Variants in KALRN observed in about 807,000 individuals in gnomAD.
The protein encoded by KALRN is kalirin RhoGEF kinase.
A neutral mutation model predicts 353.7 loss-of-function variants in KALRN; 70 were observed. The observed-to-expected ratio is 0.20, with a 90% CI of 0.16 to 0.24. KALRN has a LOEUF of 0.24. KALRN is among the 10% of genes least tolerant of loss of function. The probability of loss-of-function intolerance (pLI) is 1.00; values close to 1 mark genes in which losing one functional copy is unlikely to be tolerated. For missense variants in KALRN, 2,791 were observed against 3,756.7 expected (o/e 0.74, Z 6.72); for synonymous variants, 1,391 against 1,434.8 (o/e 0.97, Z 0.69).
At chr3:124,327,097 A>C (rs1283729014) in intron 7 of KALRN, among the ~76,000 whole-genome samples, 1 of 152,228 alleles carries the variant, frequency 6.6e-6, no homozygotes, top group East Asian at 1.9e-4. Flanking sequence ...TATAGAAATT[A>C]TCAGATGCTA....
intron 34 of KALRN, among the ~76,000 whole-genome samples, chr3:124,583,798 CA>C (rs1324707727): frequency 2.0e-5 from 3 of 152,164 alleles, no homozygotes; most frequent in Non-Finnish European, 2.9e-5. Context: ...TGTAGCAATG[CA>C]AATTCTCGGG....
chr3:124,490,593 A>G (rs768168361), intron 29 of KALRN, 101 bp from the exon 30 acceptor site: 35 of 1,051,932 alleles, frequency 3.3e-5, no homozygotes, highest in Non-Finnish European at 4.7e-5. Flanking sequence ...GTAACTGAAG[A>G]CTAACAATAA....
intron 33 of KALRN, among the ~76,000 whole-genome samples, chr3:124,529,273 CAGAG>C (rs1478364472): frequency 6.6e-6 from 1 of 152,214 alleles, no homozygotes; most frequent in South Asian, 2.1e-4. Context: ...TGTACAGAAA[CAGAG>C]AGAGAAAAAC....
intron 1 of KALRN, among the ~76,000 whole-genome samples, chr3:124,060,606 A>C (rs538600595): frequency 1.5e-4 from 23 of 152,228 alleles, no homozygotes; most frequent in African/African-American, 5.3e-4. Flanking sequence ...AGGAGCAGAG[A>C]AATTGTTCCA....
At chr3:124,423,615 C>T (rs74629956) in intron 15 of KALRN, among the ~76,000 whole-genome samples, 26,227 of 152,196 alleles carry the variant, frequency 0.17, 2,683 homozygotes, top group Non-Finnish European at 0.22. Context: ...GTGGTTCATG[C>T]CTGTAGTCCC....
At chr3:124,646,759 CA>C (rs1411421201) in intron 37 of KALRN, among the ~76,000 whole-genome samples, 6 of 149,982 alleles carry the variant, frequency 4.0e-5, no homozygotes, top group Admixed American at 3.3e-4. Flanking sequence ...TATGCTTATT[CA>C]AAAAAATTTG....
intron 1 of KALRN, among the ~76,000 whole-genome samples, chr3:124,047,294 T>G (rs1197140411): frequency 1.3e-5 from 2 of 152,208 alleles, no homozygotes; most frequent in African/African-American, 4.8e-5. Context: ...ACATGATCTT[T>G]GTCCCTGAAA....
At chr3:124,278,024 G>GTGTGTGTT (rs1332329495) in intron 5 of KALRN, among the ~76,000 whole-genome samples, 1 of 151,942 alleles carries the variant, frequency 6.6e-6, no homozygotes, top group Non-Finnish European at 1.5e-5. Context: ...GTGTGTGTGT[G>GTGTGTGTT]TGTGGTGCAG....
intron 6 of KALRN, among the ~76,000 whole-genome samples, chr3:124,308,419 T>G (rs9875829): frequency 1.3e-5 from 2 of 151,546 alleles, no homozygotes; most frequent in African/African-American, 4.8e-5. Flanking sequence ...ATATCCTAGG[T>G]CAAAAAACAA....
intron 1 of KALRN, among the ~76,000 whole-genome samples, chr3:124,172,050 TG>T (rs1313611684): frequency 6.6e-6 from 1 of 152,232 alleles, no homozygotes; most frequent in Non-Finnish European, 1.5e-5. Context: ...TACATGGCTT[TG>T]GGTAGGTTAC....
At chr3:124,670,327 G>C (rs2086244747) in intron 47 of KALRN, among the ~76,000 whole-genome samples, 4 of 152,316 alleles carry the variant, frequency 2.6e-5, no homozygotes, top group African/African-American at 9.6e-5. Context: ...ATCCATGGTT[G>C]TGGAGCTCAC....
chr3:124,186,485 T>A (rs1206244158), intron 1 of KALRN, among the ~76,000 whole-genome samples: 1 of 152,212 alleles, frequency 6.6e-6, no homozygotes, highest in Non-Finnish European at 1.5e-5. Flanking sequence ...GTGTAACAGA[T>A]GCTATTTTAA....
intron 57 of KALRN, among the ~76,000 whole-genome samples, chr3:124,707,574 C>T (rs886778864): frequency 1.3e-5 from 2 of 152,080 alleles, no homozygotes; most frequent in Admixed American, 1.3e-4. Context: ...GTAGCATGCA[C>T]AAACAGCAAA....
rs556441458 is a variant in KALRN at position 124,678,302 on chromosome 3, G to A, written c.7306G>A (p.Val2436Ile). Residue 2436 changes from valine to isoleucine, a missense_variant, in exon 50 of 60, where the codon GTC becomes ATC. This residue lies in a region of KALRN where 1,065 missense variants were observed against 1,156.4 expected (regional missense o/e 0.92). Transcript: ENST00000682506. ...ACCCAAGGATATTCTGGGCAACAAA[G>A]TCTCTGTTAAAGTGAGTAAGGTATT... ...RKPKDILGNKVSVKETNSSEE... is the reference protein window; with the variant it reads ...RKPKDILGNKISVKETNSSEE... 75 of 1,613,834 alleles carry A rather than the reference G, an allele frequency of 4.6e-5. 1 individual carries two copies. In the South Asian group the frequency reaches 8.0e-4, roughly 17 times the overall value.
chr3:124,318,454 T>A (rs527868045), intron 6 of KALRN, among the ~76,000 whole-genome samples: 2 of 152,344 alleles, frequency 1.3e-5, no homozygotes, highest in African/African-American at 2.4e-5. Flanking sequence ...AGTGTCCATA[T>A]GTTTCGAGGT....
At chr3:124,667,279 A>T in intron 47 of KALRN, 96 bp downstream of exon 47, 2 of 1,125,250 alleles carry the variant, frequency 1.8e-6, no homozygotes, top group South Asian at 2.0e-5. Context: ...TTATGAACCC[A>T]GATCACATTT....
At chr3:124,404,167 A>AAAAAAAG (rs1326422926) in intron 13 of KALRN, among the ~76,000 whole-genome samples, 14 of 151,632 alleles carry the variant, frequency 9.2e-5, no homozygotes, top group Non-Finnish European at 2.1e-4. Context: ...AAAAAAAAAA[A>AAAAAAAG]AAGAGAGAAC....
At chr3:124,224,059 A>G (rs2078212610) in intron 1 of KALRN, among the ~76,000 whole-genome samples, 1 of 152,146 alleles carries the variant, frequency 6.6e-6, no homozygotes, top group South Asian at 2.1e-4. Context: ...TGGGATTAGC[A>G]CTGAATGCCA....
chr3:124,295,758 A>G (rs2076797184), intron 5 of KALRN, among the ~76,000 whole-genome samples: 1 of 152,252 alleles, frequency 6.6e-6, no homozygotes, highest in East Asian at 1.9e-4. Context: ...AAGAAAAGAA[A>G]TGAGAAATTA....
Sources: allele counts gnomAD v4.1 joint callset (sites outside exome capture counted in the v4.1 genomes callset), GRCh38; gene constraint gnomAD v4.1.1; regional missense constraint gnomAD v4.1.1; transcripts MANE v1.5; gene names NCBI Gene and HGNC (gene_info 2026-07-23, HGNC 2026-07-21).